The following EFCAB13 variants were observed in gnomAD, a reference collection of about 807,000 sequenced individuals.
EFCAB13 encodes the protein EF-hand calcium-binding domain-containing protein 13.
A neutral mutation model predicts 110.2 loss-of-function variants in EFCAB13; 91 were observed. The ratio of observed to expected loss-of-function variants is 0.83; its 90% CI spans 0.70 to 0.98. The LOEUF (loss-of-function observed/expected upper bound fraction) is 0.98. Among genes scored for constraint, EFCAB13 ranks in the 50% least tolerant of loss-of-function variants. EFCAB13 has a pLI of 0.00. For synonymous variants in EFCAB13, 323 were observed against 369.9 expected, an observed-to-expected ratio of 0.87 and a Z score of 1.45; for missense variants, 968 against 1,119.4, an observed-to-expected ratio of 0.86 and a Z score of 1.93.
Position 47,357,730 on chromosome 17 carries a change from T to C in EFCAB13, c.662-3648T>C, listed in dbSNP as rs537654483. Reference sequence around the variant, plus strand: ...GTGCCCTGCTACAAAACATAAATTATATGTATGTATCTGTGGTCAGTACTT... The same window carrying C: ...GTGCCCTGCTACAAAACATAAATTACATGTATGTATCTGTGGTCAGTACTT... On this transcript the variant is annotated intron_variant, in intron 9 of 24. Coordinates refer to ENST00000331493, the MANE Select transcript of EFCAB13 (RefSeq NM_152347.5). Among the ~76,000 whole-genome samples, 7 of 152,328 alleles carry C rather than the reference T, an allele frequency of 4.6e-5. No homozygotes were observed. The South Asian group carries it at 1.2e-3, about 27-fold the overall frequency.
intron 4 of EFCAB13, among the ~76,000 whole-genome samples, chr17:47,329,511 A>G (rs189177896): frequency 6.6e-6 from 1 of 152,334 alleles, no homozygotes; most frequent in African/African-American, 2.4e-5. Context: ...ATACACATAT[A>G]TACATTTAAA....
chr17:47,356,547 G>C (rs183325352), intron 9 of EFCAB13, among the ~76,000 whole-genome samples: 34 of 152,312 alleles, frequency 2.2e-4, no homozygotes, highest in African/African-American at 7.7e-4. Context: ...ACTGGAGAGT[G>C]TCTGCAAAGA....
intron 9 of EFCAB13, among the ~76,000 whole-genome samples, chr17:47,359,523 T>G (rs931617265): frequency 1.3e-5 from 2 of 151,328 alleles, no homozygotes; most frequent in Admixed American, 6.6e-5. Context: ...TTGTGTTTTT[T>G]TTTTTTTTTG....
At chr17:47,405,988 C>T (rs1035514793) in intron 20 of EFCAB13, among the ~76,000 whole-genome samples, 30 of 152,080 alleles carry the variant, frequency 2.0e-4, no homozygotes, top group African/African-American at 7.2e-4. Flanking sequence ...GTGTATCTAA[C>T]AGTCTTTGAC....
At chr17:47,354,472 A>T (rs1450798999) in intron 9 of EFCAB13, among the ~76,000 whole-genome samples, 2 of 152,136 alleles carry the variant, frequency 1.3e-5, no homozygotes, top group Non-Finnish European at 2.9e-5. Context: ...TCAGTTGAGT[A>T]TTGAAGCCCC....
Position 47,414,887 on chromosome 17 carries a change from T to C in EFCAB13, c.2462T>C (p.Met821Thr), listed in dbSNP as rs1050861332. Reference sequence around the variant, plus strand: ...GATTTAAAAGATTTCTTAATGAAAATGAAAGAAAGTCCACATTTCCAAAAG... The same window carrying C: ...GATTTAAAAGATTTCTTAATGAAAACGAAAGAAAGTCCACATTTCCAAAAG... Reference protein sequence around the residue: ...EVDLKDFLMKMKESPHFQKSK... With the variant: ...EVDLKDFLMKTKESPHFQKSK... The change falls in exon 23 of 25, where the codon ATG (methionine) becomes ACG (threonine). Residue 821 changes from methionine to threonine, a missense_variant. By Grantham distance (81) the Met-to-Thr change is moderately conservative (BLOSUM62 -1). Coordinates refer to ENST00000331493, the MANE Select transcript of EFCAB13 (RefSeq NM_152347.5). 1.1e-5 allele frequency: 18 copies of C among 1,607,808 alleles called. No homozygotes were observed. Among genetic ancestry groups the C allele is most frequent in the Non-Finnish European group, 7.7e-6 (9 of 1,175,882 alleles).
chr17:47,404,185 G>A (rs776575500), intron 19 of EFCAB13, among the ~76,000 whole-genome samples, 164 bp downstream of exon 19: 4 of 152,072 alleles, frequency 2.6e-5, no homozygotes, highest in Admixed American at 6.6e-5. Context: ...CTATACAAGC[G>A]GGTCTAGATT....
chr17:47,386,167 G>C (rs926166147), intron 14 of EFCAB13, among the ~76,000 whole-genome samples: 1 of 152,172 alleles, frequency 6.6e-6, no homozygotes. Flanking sequence ...TGCTGGGAGA[G>C]CCCTCCTTGT....
At chr17:47,407,594 A>G (rs1240239378) in intron 20 of EFCAB13, among the ~76,000 whole-genome samples, 1 of 152,216 alleles carries the variant, frequency 6.6e-6, no homozygotes, top group Non-Finnish European at 1.5e-5. Flanking sequence ...ACAAAGACAA[A>G]AATCCAGATG....
At position 47,381,471 on chromosome 17, in the gene EFCAB13, T is replaced by C. The variant is rs1209165435; in HGVS notation, c.1582+2218T>C. On this transcript the variant is annotated intron_variant, in intron 14 of 24. Transcript: ENST00000331493. ...GTATTGCCTAGGTTTTCTTCTAGGG[T>C]TTTTATGGTTTTAGATCTTACATTT... Among the ~76,000 whole-genome samples, 4 of 152,178 alleles carry C rather than the reference T, an allele frequency of 2.6e-5. No homozygotes were observed. In the East Asian group the frequency reaches 7.7e-4, roughly 29 times the overall value.
chr17:47,404,066 T>A, intron 19 of EFCAB13, 45 bp downstream of exon 19: 2 of 1,477,414 alleles, frequency 1.4e-6, no homozygotes, highest in Non-Finnish European at 1.8e-6. Context: ...TTTGTAGGAG[T>A]AAAGAAGATG....
chr17:47,337,681 G>A (rs529895635), intron 5 of EFCAB13, among the ~76,000 whole-genome samples: 7 of 152,134 alleles, frequency 4.6e-5, no homozygotes, highest in African/African-American at 1.4e-4. Flanking sequence ...CTGCAGCCTG[G>A]GAAACACTGG....
intron 19 of EFCAB13, 113 bp from the exon 20 acceptor site, chr17:47,404,449 T>G: frequency 1.3e-6 from 1 of 755,652 alleles, no homozygotes; most frequent in Non-Finnish European, 2.1e-6. Context: ...TAAAAGTACC[T>G]TGTAAATAAA....
intron 10 of EFCAB13, among the ~76,000 whole-genome samples, chr17:47,363,392 TAGTC>T (rs986404154): frequency 1.3e-5 from 2 of 151,942 alleles, no homozygotes; most frequent in African/African-American, 2.4e-5. Context: ...ATGAATCAGA[TAGTC>T]AGTCATTTAA....
chr17:47,394,668 T>C (rs552337779), intron 16 of EFCAB13, among the ~76,000 whole-genome samples: 1 of 152,332 alleles, frequency 6.6e-6, no homozygotes, highest in Admixed American at 6.5e-5. Context: ...AAATTGGGGC[T>C]GAAAGTAACA....
intron 18 of EFCAB13, 75 bp downstream of exon 18, chr17:47,402,278 C>T (rs971879767): frequency 6.4e-5 from 85 of 1,326,682 alleles, no homozygotes; most frequent in Non-Finnish European, 8.9e-5. Flanking sequence ...GTTTTTAATG[C>T]TGTGTGTTCA....
At chr17:47,387,381 C>G (rs981370857) in intron 14 of EFCAB13, among the ~76,000 whole-genome samples, 1 of 152,160 alleles carries the variant, frequency 6.6e-6, no homozygotes, top group Non-Finnish European at 1.5e-5. Context: ...TCTGGATCAT[C>G]TGTCCATTAC....
chr17:47,411,554 C>T (rs186724789), intron 21 of EFCAB13, among the ~76,000 whole-genome samples: 22 of 152,244 alleles, frequency 1.4e-4, no homozygotes, highest in Non-Finnish European at 1.5e-5. Context: ...TTTAGTCTCC[C>T]TTATCAAGGA....
In EFCAB13 at chr17:47,335,227, G is replaced by A; in HGVS notation, c.62G>A (p.Gly21Asp). The A allele has an allele frequency of 2.5e-6, 4 of 1,608,382 alleles. No homozygotes were observed. Among genetic ancestry groups the A allele is most frequent in the Non-Finnish European group, 3.4e-6 (4 of 1,178,372 alleles). Residue 21 changes from glycine to aspartate, a missense_variant, in exon 5 of 25, where the codon GGC (glycine) becomes GAC (aspartate). Physicochemically the swap from Gly to Asp is moderately conservative, Grantham distance 94. Transcript: ENST00000331493. The part of the protein sequence containing the change: ...AEENIDLLDD[G>D]SNSFATDLSS... The stretch of plus-strand genomic sequence containing the variant: ...GAAAATATTGACTTATTAGATGATG[G>A]CTCTAATTCTTTTGCAACTGACTTG...
Sources: allele counts gnomAD v4.1 joint callset (sites outside exome capture counted in the v4.1 genomes callset), GRCh38; gene constraint gnomAD v4.1.1; transcripts MANE v1.5; gene names NCBI Gene and HGNC (gene_info 2026-07-23, HGNC 2026-07-21).